FBXO11: variants seen among roughly 807,000 people sequenced by gnomAD.
FBXO11 encodes F-box protein 11.
A neutral mutation model predicts 117.0 loss-of-function variants in FBXO11; 13 were observed. The ratio of observed to expected loss-of-function variants is 0.11; its 90% CI spans 0.07 to 0.18. FBXO11 has a LOEUF of 0.18. FBXO11 is among the 10% of genes least tolerant of loss of function. The pLI, the probability that FBXO11 is intolerant of heterozygous loss-of-function variation, is 1.00. For synonymous variants in FBXO11, 490 were observed against 380.5 expected, an observed-to-expected ratio of 1.29 and a Z score of -3.35; for missense variants, 767 against 1,164.4, an observed-to-expected ratio of 0.66 and a Z score of 4.97.
At chr2:47,873,325 T>C (rs188310704) in intron 1 of FBXO11, among the ~76,000 whole-genome samples, 380 of 152,350 alleles carry the variant, frequency 2.5e-3, no homozygotes, top group Non-Finnish European at 4.9e-3. Context: ...GCCTTGATGG[T>C]AAAGAGGCAA....
chr2:47,852,067 C>A (rs1256551376), intron 1 of FBXO11, among the ~76,000 whole-genome samples: 2 of 150,360 alleles, frequency 1.3e-5, no homozygotes, highest in South Asian at 4.2e-4. Context: ...TCTTGGCTCA[C>A]TGCAACCTCC....
chr2:47,850,792 G>A lies in FBXO11; in HGVS notation c.233-11023C>T, dbSNP rs780093640. Among the ~76,000 whole-genome samples, 9 of 152,174 alleles carry A rather than the reference G, an allele frequency of 5.9e-5. No homozygotes were observed. The South Asian group carries it at 6.2e-4, about 11-fold the overall frequency. ...TTAATTCTTTCCTGTTATGTATCAC[G>A]TTCTGTTCTCCCAAGACATTTTCTC... On this transcript the variant is annotated intron_variant, in intron 1 of 22. Transcript: ENST00000403359.
chr2:47,906,220 CT>C lies in FBXO11; in HGVS notation c.-501del, dbSNP rs940389364. The stretch of plus-strand genomic sequence containing the variant: ...GGGAGGGAGCAGGGGGCGCCCGGCT[CT>C]TTTTTTTCCCTCTTCCTCCCCCCCA... On this transcript the variant is annotated 5_prime_UTR_variant, in exon 1 of 23. Coordinates refer to ENST00000403359, the MANE Select transcript of FBXO11 (RefSeq NM_001190274.2). 5 of 167,712 alleles carry C rather than the reference CT, an allele frequency of 3.0e-5. No homozygotes were observed. The highest frequency in any genetic ancestry group is 5.1e-5 in the Non-Finnish European group (4 of 77,748). 10.4% of individuals were successfully genotyped at this position (167,712 alleles called of 1,614,324 possible). A position where few individuals can be genotyped will look rare whatever the true frequency, so the allele number is the denominator to read the frequency against.
At chr2:47,896,619 A>C (rs1677688530) in intron 1 of FBXO11, among the ~76,000 whole-genome samples, 2 of 152,214 alleles carry the variant, frequency 1.3e-5, no homozygotes, top group Non-Finnish European at 2.9e-5. Flanking sequence ...GGCATGAGCC[A>C]CTATGCCCCG....
chr2:47,811,539 ATTCCTT>A (rs1670614233), intron 18 of FBXO11: 1 of 152,226 alleles, frequency 6.6e-6, no homozygotes, highest in Non-Finnish European at 1.5e-5. Flanking sequence ...TCTTTAATCT[ATTCCTT>A]TAGCTTAGTA....
chr2:47,826,640 A>C (rs192487788), intron 11 of FBXO11, among the ~76,000 whole-genome samples: 1 of 152,286 alleles, frequency 6.6e-6, no homozygotes, highest in East Asian at 1.9e-4. Flanking sequence ...TTAGTGTGCT[A>C]TTCAGAGTTG....
At chr2:47,825,561 T>A (rs1671687236) in intron 11 of FBXO11, among the ~76,000 whole-genome samples, 2 of 150,138 alleles carry the variant, frequency 1.3e-5, no homozygotes, top group Non-Finnish European at 3.0e-5. Flanking sequence ...GTGGATTTTT[T>A]CTTCTTCTTC....
chr2:47,843,160 T>C lies in FBXO11; in HGVS notation c.233-3391A>G, dbSNP rs77795353. ...TGATACGCCTAGGCATTTGTGGAAC[T>C]CTCTCCCTTTGAGGTCTAATATGTG... On this transcript the variant is annotated intron_variant, in intron 1 of 22. Transcript: ENST00000403359. Among the ~76,000 whole-genome samples the C allele has an allele frequency of 3.7e-3, 569 of 152,322 alleles. 13 individuals are homozygous for C. In the East Asian group the frequency reaches 0.069, roughly 19 times the overall value.
chr2:47,824,710 G>A lies in FBXO11; in HGVS notation c.1399-1350C>T, dbSNP rs117036183. Among the ~76,000 whole-genome samples, 46 of 152,256 alleles carry A rather than the reference G, an allele frequency of 3.0e-4. No homozygotes were observed. In the East Asian group the frequency reaches 7.9e-3, roughly 26 times the overall value. On this transcript the variant is annotated intron_variant, in intron 11 of 22. Coordinates refer to ENST00000403359, the MANE Select transcript of FBXO11 (RefSeq NM_001190274.2). ...GGAACTTGAAGGATGGAACAAAAAC[G>A]TGAGATGATTATGAGTGGTGGAATT...
intron 1 of FBXO11, among the ~76,000 whole-genome samples, chr2:47,893,486 A>G (rs1053578493): frequency 6.6e-6 from 1 of 152,218 alleles, no homozygotes; most frequent in African/African-American, 2.4e-5. Context: ...TTATTAATCT[A>G]TTCAATACAA....
chr2:47,851,644 C>G (rs1004780607), intron 1 of FBXO11, among the ~76,000 whole-genome samples: 1 of 152,098 alleles, frequency 6.6e-6, no homozygotes, highest in Non-Finnish European at 1.5e-5. Context: ...AGTGCCATAC[C>G]AAGGACACAC....
chr2:47,815,090 T>G (rs6744431), intron 16 of FBXO11, among the ~76,000 whole-genome samples: 2,691 of 152,330 alleles, frequency 0.018, 79 homozygotes, highest in African/African-American at 0.06. Flanking sequence ...ACCAAAGTCT[T>G]ATACCCCTAA....
At chr2:47,843,230 TC>T (rs908076833) in intron 1 of FBXO11, among the ~76,000 whole-genome samples, 13 of 152,206 alleles carry the variant, frequency 8.5e-5, no homozygotes, top group African/African-American at 3.1e-4. Flanking sequence ...CCAGTAAACG[TC>T]CTATGTGTGC....
intron 1 of FBXO11, among the ~76,000 whole-genome samples, chr2:47,899,166 CAGGAGGCTG>C: frequency 1.3e-5 from 2 of 150,146 alleles, no homozygotes; most frequent in Non-Finnish European, 2.9e-5. Context: ...CCCAGCTACT[CAGGAGGCTG>C]AGGCAGGAGA....
intron 16 of FBXO11, among the ~76,000 whole-genome samples, chr2:47,815,997 T>C (rs1670978692): frequency 1.3e-5 from 2 of 152,202 alleles, no homozygotes; most frequent in Admixed American, 6.5e-5. Flanking sequence ...TGTTCACGAC[T>C]AGGTAGGGGG....
Position 47,810,355 on chromosome 2 carries a change from T to C in FBXO11, c.2299A>G (p.Ile767Val), listed in dbSNP as rs200424223. Residue 767 changes from isoleucine to valine, a missense_variant, in exon 19 of 23, where the codon ATC becomes GTC. Around this residue, in one of 10 missense-constraint regions of FBXO11, gnomAD observed 66 missense variants for 82.7 expected, o/e 0.80. Transcript: ENST00000403359. ...GVLISTNSHP[I>V]LRKNRIFDGF... ...TCAAATATTCTGTTTTTCCTTAAGA[T>C]TGGATGACTATTAGTGCTGATGAGA... 2.6e-5 allele frequency: 42 copies of C among 1,609,706 alleles called. No individual in the cohort carries two copies. Among genetic ancestry groups the C allele is most frequent in the East Asian group, 6.7e-5 (3 of 44,836 alleles).
chr2:47,905,492 G>T lies in FBXO11; in HGVS notation c.229C>A (p.Arg77=), dbSNP rs1183497722. The change falls in exon 1 of 23, where the codon CGG becomes AGG. Residue 77 remains arginine (R), a synonymous_variant. Transcript: ENST00000403359. ...TTGGGAGGTAGCGCGGCCTTACCCC[G>T]CTCGCCGACGTTGTTCCGCTCCTGA... ...LPQERNNVGE[R]DDDVPADMVA... The T allele has an allele frequency of 1.6e-6, 2 of 1,228,974 alleles. No homozygotes were observed. The allele number at this position is 1,228,974 out of a possible 1,614,324, so 76.1% of individuals were successfully genotyped here. A position where few individuals can be genotyped will look rare whatever the true frequency, so the allele number is the denominator to read the frequency against.
chr2:47,838,199 C>G (rs1333255354), intron 4 of FBXO11, among the ~76,000 whole-genome samples: 1 of 152,038 alleles, frequency 6.6e-6, no homozygotes, highest in Non-Finnish European at 1.5e-5. Flanking sequence ...TGACACTGCA[C>G]TCCAGCCTGG....
chr2:47,900,414 A>G (rs1419794779), intron 1 of FBXO11, among the ~76,000 whole-genome samples: 1 of 152,048 alleles, frequency 6.6e-6, no homozygotes, highest in East Asian at 1.9e-4. Context: ...CATGAAGTTA[A>G]AATATCACAT....
Sources: allele counts gnomAD v4.1 joint callset (sites outside exome capture counted in the v4.1 genomes callset), GRCh38; gene constraint gnomAD v4.1.1; regional missense constraint gnomAD v4.1.1; transcripts MANE v1.5; gene names NCBI Gene and HGNC (gene_info 2026-07-23, HGNC 2026-07-21).